SIPA1L2: variants seen among roughly 807,000 people sequenced by gnomAD.
The protein encoded by SIPA1L2 is signal induced proliferation associated 1 like 2.
A neutral mutation model predicts 163.9 loss-of-function variants in SIPA1L2; 56 were observed. That is an observed-to-expected ratio of 0.34 (90% confidence interval 0.28 to 0.43). SIPA1L2 has a LOEUF of 0.43. Ranked by LOEUF, SIPA1L2 falls within the 20% of genes least tolerant of loss-of-function variation. The pLI, the probability that SIPA1L2 is intolerant of heterozygous loss-of-function variation, is 1.00. For missense variants in SIPA1L2, 1,974 were observed against 2,193.5 expected, an observed-to-expected ratio of 0.90 and a Z score of 2.00; for synonymous variants, 877 against 865.7, an observed-to-expected ratio of 1.01 and a Z score of -0.23.
chr1:232,490,893 A>T lies in SIPA1L2; in HGVS notation c.1787T>A (p.Leu596His), dbSNP rs768269335. The T allele has an allele frequency of 6.2e-7, 1 of 1,613,942 alleles. No individual in the cohort carries two copies. The highest frequency in any genetic ancestry group is 8.5e-7 in the Non-Finnish European group (1 of 1,179,942). ...SNSPKVSEQL[L>H]KLDEQGLSFQ... ...ACACACCCCTTGTTCATCAAGCTTGAGCAGCTGCTCTGAGACCTTGGGTGA... is the reference window on the plus strand; with the variant it reads ...ACACACCCCTTGTTCATCAAGCTTGTGCAGCTGCTCTGAGACCTTGGGTGA... The change falls in exon 5 of 23, where the codon CTC (leucine) becomes CAC (histidine). Residue 596 changes from leucine (L) to histidine (H), a missense_variant. By Grantham distance (99) the Leu-to-His change is moderately conservative. This residue lies in a region of SIPA1L2 where 288 missense variants were observed against 418.9 expected (regional missense o/e 0.69). Transcript: ENST00000674635.
intron 2 of SIPA1L2, among the ~76,000 whole-genome samples, chr1:232,563,697 C>A (rs151312324): frequency 6.6e-6 from 1 of 152,046 alleles, no homozygotes; most frequent in African/African-American, 2.4e-5. Context: ...GGGCTTAGAC[C>A]GCTGCTTAAA....
At chr1:232,485,450 T>C (rs918025774) in intron 5 of SIPA1L2, among the ~76,000 whole-genome samples, 1 of 152,182 alleles carries the variant, frequency 6.6e-6, no homozygotes, top group Non-Finnish European at 1.5e-5. Context: ...ACCCAGAGAT[T>C]GAGGAATCAA....
intron 7 of SIPA1L2, among the ~76,000 whole-genome samples, chr1:232,474,584 T>C (rs550406759): frequency 8.6e-4 from 131 of 152,314 alleles, no homozygotes; most frequent in Non-Finnish European, 1.5e-3. Flanking sequence ...CAGCAATTTA[T>C]TGTGTATTTC....
intron 10 of SIPA1L2, among the ~76,000 whole-genome samples, chr1:232,459,912 A>T (rs1664137535): frequency 6.6e-6 from 1 of 152,226 alleles, no homozygotes; most frequent in East Asian, 1.9e-4. Flanking sequence ...CATTGAAATC[A>T]TAGGAGGTAG....
At chr1:232,510,617 T>C (rs1410689056) in intron 3 of SIPA1L2, among the ~76,000 whole-genome samples, 1 of 152,198 alleles carries the variant, frequency 6.6e-6, no homozygotes, top group East Asian at 1.9e-4. Flanking sequence ...AGGAAATAAA[T>C]CACTTGCAGA....
chr1:232,577,867 AG>A (rs1323939508), intron 1 of SIPA1L2, among the ~76,000 whole-genome samples: 1 of 152,216 alleles, frequency 6.6e-6, no homozygotes, highest in Non-Finnish European at 1.5e-5. Flanking sequence ...ATTGTTGCAA[AG>A]GATTTAGGAA....
At chr1:232,517,820 C>T (rs1219947667) in intron 2 of SIPA1L2, among the ~76,000 whole-genome samples, 1 of 152,146 alleles carries the variant, frequency 6.6e-6, no homozygotes, top group East Asian at 1.9e-4. Flanking sequence ...GCAGGAGGAT[C>T]GCTTGAGCCC....
intron 1 of SIPA1L2, among the ~76,000 whole-genome samples, chr1:232,591,444 G>A (rs180918462): frequency 1.4e-4 from 22 of 152,354 alleles, no homozygotes; most frequent in Non-Finnish European, 1.9e-4. Context: ...TGGGTCTGCC[G>A]AGGATGGGCA....
chr1:232,564,235 C>CGTGT lies in SIPA1L2; in HGVS notation c.-270+9935_-270+9938dup, dbSNP rs59088753. ...GAACGACAAAGGTTTTTTTTTTTTT[C>CGTGT]GTGTGTGTGTGTGTGTGTGTGTGTG... On this transcript the variant is annotated intron_variant, in intron 2 of 22. Transcript: ENST00000674635. Among the ~76,000 whole-genome samples, 57 of 29,694 alleles carry CGTGT rather than the reference C, an allele frequency of 1.9e-3. 2 individuals are homozygous for CGTGT. The highest frequency in any genetic ancestry group is 3.0e-3 in the African/African-American group (12 of 3,982). The allele number at this position is 29,694 out of a possible 152,430, so 19.5% of individuals were successfully genotyped here. A position where few individuals can be genotyped will look rare whatever the true frequency, so the allele number is the denominator to read the frequency against.
At chr1:232,613,955 G>A (rs1662378661) in intron 1 of SIPA1L2, among the ~76,000 whole-genome samples, 1 of 152,104 alleles carries the variant, frequency 6.6e-6, no homozygotes, top group Non-Finnish European at 1.5e-5. Flanking sequence ...CTTAGCAGGA[G>A]GGCATTGTGC....
chr1:232,596,081 T>G (rs1661241818), intron 1 of SIPA1L2, among the ~76,000 whole-genome samples: 1 of 152,114 alleles, frequency 6.6e-6, no homozygotes, highest in East Asian at 1.9e-4. Flanking sequence ...AAGCTGAAGA[T>G]GGGGGTGAGG....
In SIPA1L2 at chr1:232,514,547, C is replaced by T. The variant is rs962124682; in HGVS notation, c.793G>A (p.Asp265Asn). Reference sequence around the variant, plus strand: ...TCTCTCCCCATCAGGAGGGCACTGTCCACATAATCTAATCCTGAGATGCGG... The same window carrying T: ...TCTCTCCCCATCAGGAGGGCACTGTTCACATAATCTAATCCTGAGATGCGG... ...FVRISGLDYV[D>N]SALLMGRDRD... Residue 265 changes from aspartate (D) to asparagine (N), a missense_variant, in exon 3 of 23, where the codon GAC becomes AAC. Asp to Asn is a conservative substitution (Grantham distance 23). This residue lies in a region of SIPA1L2 where 607 missense variants were observed against 624.0 expected (regional missense o/e 0.97). Transcript: ENST00000674635. 1.9e-6 allele frequency: 3 copies of T among 1,614,042 alleles called. No homozygotes were observed. The highest frequency in any genetic ancestry group is 2.5e-6 in the Non-Finnish European group (3 of 1,180,026).
intron 3 of SIPA1L2, among the ~76,000 whole-genome samples, chr1:232,500,605 T>C (rs889674508): frequency 1.1e-4 from 16 of 152,214 alleles, no homozygotes; most frequent in Admixed American, 1.3e-4. Flanking sequence ...GAAGATCTGA[T>C]TGAATTGCTA....
At chr1:232,517,889 T>G (rs1194429645) in intron 2 of SIPA1L2, among the ~76,000 whole-genome samples, 2 of 151,862 alleles carry the variant, frequency 1.3e-5, no homozygotes, top group Non-Finnish European at 2.9e-5. Flanking sequence ...AAAACCTGTT[T>G]TTTTTTAATT....
intron 20 of SIPA1L2, 91 bp from the exon 21 acceptor site, chr1:232,403,662 C>A: frequency 6.8e-7 from 1 of 1,460,626 alleles, no homozygotes; most frequent in Non-Finnish European, 9.2e-7. Context: ...TAAATAAAAT[C>A]TTTTCCCCCC....
chr1:232,438,285 G>A (rs1187973019), intron 15 of SIPA1L2, among the ~76,000 whole-genome samples: 4 of 152,274 alleles, frequency 2.6e-5, no homozygotes, highest in Non-Finnish European at 4.4e-5. Flanking sequence ...CTCCAGCATT[G>A]TGGGCAGGAG....
intron 19 of SIPA1L2, among the ~76,000 whole-genome samples, chr1:232,408,305 C>A (rs1660757879): frequency 6.9e-6 from 1 of 144,708 alleles, no homozygotes; most frequent in Non-Finnish European, 1.5e-5. Context: ...TTTTTTTAAA[C>A]TGTTTGGGTA....
In SIPA1L2 at chr1:232,465,281, T is replaced by C. The variant is rs1664448764; in HGVS notation, c.2379A>G (p.Lys793=). 1.2e-6 allele frequency: 2 copies of C among 1,614,184 alleles called. No homozygotes were observed. The highest frequency in any genetic ancestry group is 4.5e-5 in the East Asian group (2 of 44,872). The change falls in exon 9 of 23, where the codon AAA becomes AAG. Residue 793 remains lysine, a synonymous_variant. Coordinates refer to ENST00000674635, the MANE Select transcript of SIPA1L2 (RefSeq NM_020808.5). The surrounding 1 kb of genome is among the most constrained non-coding windows in gnomAD (Gnocchi z 4.1). ...TGGCCATTGCTCGAAACTTTTCTGA[T>C]TTATGGGCTGCATTTTCTGCATTGA... ...KVINAENAAH[K]SEKFRAMATR... is the part of the protein sequence containing the mutation.
At chr1:232,417,522 G>A (rs375586591) in intron 18 of SIPA1L2, among the ~76,000 whole-genome samples, 74 of 152,238 alleles carry the variant, frequency 4.9e-4, no homozygotes, top group African/African-American at 1.8e-3. Flanking sequence ...AGCAACGCAG[G>A]AGTGGGAGGT....
Sources: gnomAD v4.1 joint callset for allele counts (sites outside exome capture counted in the v4.1 genomes callset) on GRCh38, gnomAD v4.1.1 for gene constraint, gnomAD v4.1.1 regional missense constraint, Gnocchi (gnomAD v3.1) non-coding constraint, MANE v1.5 for transcripts, NCBI Gene and HGNC (gene_info 2026-07-23, HGNC 2026-07-21) for gene names.